SPATA16: variants seen among roughly 807,000 people sequenced by gnomAD.
The protein encoded by SPATA16 is spermatogenesis associated 16, also known as spermatogenesis-associated protein 16.
In SPATA16, 36 loss-of-function variants were observed where a neutral mutation model predicts 63.3. That is an observed-to-expected ratio of 0.57 (90% CI 0.44 to 0.75). The LOEUF (loss-of-function observed/expected upper bound fraction) is 0.75, where lower values mean the gene tolerates loss of function less well. Among genes scored for constraint, SPATA16 ranks in the 30% least tolerant of loss-of-function variants. SPATA16 has a pLI of 0.00. For synonymous variants in SPATA16, 203 were observed against 216.7 expected, an observed-to-expected ratio of 0.94 and a Z score of 0.56; for missense variants, 646 against 679.3, an observed-to-expected ratio of 0.95 and a Z score of 0.54.
chr3:173,031,650 T>C (rs1735611140), intron 3 of SPATA16, among the ~76,000 whole-genome samples: 1 of 151,904 alleles, frequency 6.6e-6, no homozygotes. Flanking sequence ...AGGTAAAAAA[T>C]GAGAATAGAA....
chr3:173,005,454 C>T (rs1267739738), intron 4 of SPATA16, among the ~76,000 whole-genome samples: 2 of 151,794 alleles, frequency 1.3e-5, no homozygotes, highest in East Asian at 1.9e-4. Context: ...GTTTTTGTTG[C>T]CCCCACCTCT....
chr3:173,063,485 G>A (rs1367711979), intron 2 of SPATA16, among the ~76,000 whole-genome samples: 1 of 152,168 alleles, frequency 6.6e-6, no homozygotes, highest in Non-Finnish European at 1.5e-5. Context: ...GTCCGGTGAT[G>A]AAGGCCTTGG....
rs539861332 is a variant in SPATA16, at chr3:173,051,340, T to C, written c.613-2246A>G. Among the ~76,000 whole-genome samples the C allele has an allele frequency of 3.5e-3, 536 of 151,958 alleles. 7 individuals are homozygous for C. Among genetic ancestry groups the C allele is most frequent in the African/African-American group, 0.012 (492 of 41,446 alleles). On this transcript the variant is annotated intron_variant, in intron 2 of 10. Coordinates refer to ENST00000351008, the MANE Select transcript of SPATA16 (RefSeq NM_031955.6). ...GCCTCAGCCTCCCAAGTAGTTGGGATTACAGGCAAGTGCCACCACGCCCGG... is the reference window on the plus strand; with the variant it reads ...GCCTCAGCCTCCCAAGTAGTTGGGACTACAGGCAAGTGCCACCACGCCCGG...
At chr3:173,034,088 C>T (rs1735663528) in intron 3 of SPATA16, among the ~76,000 whole-genome samples, 1 of 152,144 alleles carries the variant, frequency 6.6e-6, no homozygotes, top group Non-Finnish European at 1.5e-5. Context: ...ACTTATGATT[C>T]ATTCGGCAAT....
chr3:172,950,004 C>A (rs965425330), intron 6 of SPATA16, among the ~76,000 whole-genome samples: 2 of 152,144 alleles, frequency 1.3e-5, no homozygotes, highest in Non-Finnish European at 2.9e-5. Flanking sequence ...CAACTGCCTA[C>A]CCTACCTCAA....
chr3:173,068,208 A>G (rs1007662965), intron 2 of SPATA16, among the ~76,000 whole-genome samples: 29 of 152,230 alleles, frequency 1.9e-4, no homozygotes, highest in African/African-American at 6.5e-4. Context: ...CTAACACTGT[A>G]ATTGCAATGT....
chr3:172,899,078 T>A (rs1451068339), intron 10 of SPATA16, among the ~76,000 whole-genome samples: 3 of 152,028 alleles, frequency 2.0e-5, no homozygotes, highest in Non-Finnish European at 4.4e-5. Flanking sequence ...TTTAAGTTTG[T>A]TATGATCCAG....
At chr3:173,103,257 T>C (rs1346746895) in intron 2 of SPATA16, among the ~76,000 whole-genome samples, 1 of 152,152 alleles carries the variant, frequency 6.6e-6, no homozygotes, top group Non-Finnish European at 1.5e-5. Flanking sequence ...GTCTAGAAGG[T>C]GGTGGCCCCC....
chr3:172,911,809 C>G (rs1034814006), intron 10 of SPATA16, among the ~76,000 whole-genome samples: 1 of 152,130 alleles, frequency 6.6e-6, no homozygotes, highest in Non-Finnish European at 1.5e-5. Flanking sequence ...CTGAATATTT[C>G]TTAGGTCCGT....
chr3:173,094,691 T>TTA (rs1737307558), intron 2 of SPATA16, among the ~76,000 whole-genome samples: 1 of 151,358 alleles, frequency 6.6e-6, no homozygotes, highest in South Asian at 2.1e-4. Context: ...TTTTTTTTTT[T>TTA]TTTTGGCTTT....
intron 2 of SPATA16, among the ~76,000 whole-genome samples, chr3:173,091,964 T>C (rs1055060742): frequency 1.3e-5 from 2 of 152,044 alleles, no homozygotes; most frequent in Non-Finnish European, 1.5e-5. Context: ...GCAGGTAGTG[T>C]CTCCCTCCAT....
At chr3:173,026,572 G>C (rs1374566625) in intron 3 of SPATA16, among the ~76,000 whole-genome samples, 1 of 151,934 alleles carries the variant, frequency 6.6e-6, no homozygotes, top group African/African-American at 2.4e-5. Flanking sequence ...AGTTTTAACA[G>C]TTATAAACTA....
rs992661967 is a variant in SPATA16, at chr3:173,072,104, A to G, written c.613-23010T>C. On this transcript the variant is annotated intron_variant, in intron 2 of 10. Transcript: ENST00000351008. ...AAATGAATCATTCTACAGAAAAGAC[A>G]TATGCATTCACACATCCATCCCTGT... 2.0e-5 allele frequency among the ~76,000 whole-genome samples: 3 copies of G among 152,224 alleles called. No individual in the cohort carries two copies. In the South Asian group the frequency reaches 6.2e-4, roughly 32 times the overall value.
At chr3:173,013,112 T>G (rs1735107795) in intron 4 of SPATA16, among the ~76,000 whole-genome samples, 1 of 151,982 alleles carries the variant, frequency 6.6e-6, no homozygotes, top group Admixed American at 6.6e-5. Context: ...GCAAAGAACA[T>G]GAACAGACAC....
chr3:172,936,993 T>A (rs867770614), intron 6 of SPATA16, among the ~76,000 whole-genome samples: 10 of 152,278 alleles, frequency 6.6e-5, no homozygotes, highest in African/African-American at 2.4e-4. Flanking sequence ...TTATTATAAC[T>A]GGTATCTAAA....
chr3:173,073,092 TGAA>T (rs1288832457), intron 2 of SPATA16, among the ~76,000 whole-genome samples: 1 of 152,162 alleles, frequency 6.6e-6, no homozygotes, highest in Non-Finnish European at 1.5e-5. Context: ...ACTTTGAACT[TGAA>T]GGAGATGATT....
At chr3:172,900,629 G>GTT (rs141299635) in intron 10 of SPATA16, among the ~76,000 whole-genome samples, 1 of 150,426 alleles carries the variant, frequency 6.6e-6, no homozygotes, top group Non-Finnish European at 1.5e-5. Context: ...AAGAGGTAAT[G>GTT]TTTTTTTTTG....
intron 3 of SPATA16, among the ~76,000 whole-genome samples, chr3:173,034,920 A>G (rs1031017544): frequency 4.6e-5 from 7 of 152,104 alleles, no homozygotes; most frequent in African/African-American, 1.7e-4. Flanking sequence ...TCCTTTCTTG[A>G]TTGACACCGA....
At chr3:172,930,169 A>G (rs531065851) in intron 6 of SPATA16, among the ~76,000 whole-genome samples, 3 of 152,338 alleles carry the variant, frequency 2.0e-5, no homozygotes, top group South Asian at 2.1e-4. Flanking sequence ...TTTCATGCCA[A>G]TACATCACTA....
Sources: allele counts gnomAD v4.1 joint callset (sites outside exome capture counted in the v4.1 genomes callset), GRCh38; gene constraint gnomAD v4.1.1; transcripts MANE v1.5; gene names NCBI Gene and HGNC (gene_info 2026-07-23, HGNC 2026-07-21).